The following RBFOX1 variants were observed in gnomAD, a reference collection of about 807,000 sequenced individuals.
RBFOX1 encodes the protein RNA binding protein fox-1 homolog 1.
Under a neutral mutation model 57.7 loss-of-function variants are expected in RBFOX1, and 8 were observed. The observed-to-expected ratio is 0.14, with a 90% CI of 0.08 to 0.25. RBFOX1 has a LOEUF of 0.25. Among genes scored for constraint, RBFOX1 ranks in the 10% least tolerant of loss-of-function variants. The probability of loss-of-function intolerance (pLI) is 1.00; values close to 1 mark genes in which losing one functional copy is unlikely to be tolerated. For missense variants in RBFOX1, 611 were observed against 548.5 expected (o/e 1.11, Z -1.14); for synonymous variants, 326 against 222.4 (o/e 1.47, Z -4.15).
At chr16:6,513,456 G>A (rs568733640) in intron 2 of RBFOX1, among the ~76,000 whole-genome samples, 254 of 152,254 alleles carry the variant, frequency 1.7e-3, no homozygotes, top group Admixed American at 3.2e-3. Flanking sequence ...CCATGAGGCC[G>A]GGCGCGGTGG....
rs2151671712 is a variant in RBFOX1, at chr16:5,769,679, A to G, written c.319-97624A>G. ...AAAAAGGAGGAGAAATTTGGACACA[A>G]ACAAATACAGGAGGAAGATCACGTG... is the stretch of plus-strand genomic sequence containing the variant. On this transcript the variant is annotated intron_variant, in intron 3 of 19. Coordinates refer to the RBFOX1 transcript ENST00000641259. 2.0e-5 allele frequency among the ~76,000 whole-genome samples: 3 copies of G among 152,166 alleles called. 1 individual carries two copies. In the South Asian group the frequency reaches 6.2e-4, roughly 32 times the overall value.
chr16:6,069,385 C>G (rs1406467650), intron 1 of RBFOX1, among the ~76,000 whole-genome samples: 1 of 112,802 alleles, frequency 8.9e-6, no homozygotes, highest in Non-Finnish European at 1.7e-5. Flanking sequence ...GCAACAAGAG[C>G]GAAACTCTGC....
chr16:6,365,466 G>A (rs1283304209), intron 2 of RBFOX1, among the ~76,000 whole-genome samples: 3 of 152,104 alleles, frequency 2.0e-5, no homozygotes, highest in African/African-American at 7.2e-5. Context: ...GTGAATGGAT[G>A]GGTGGGTGGA....
chr16:6,457,532 C>CTATAACTTT (rs1013551626), intron 2 of RBFOX1, among the ~76,000 whole-genome samples: 1 of 150,648 alleles, frequency 6.6e-6, no homozygotes, highest in Non-Finnish European at 1.5e-5. Flanking sequence ...GGCATCTTAA[C>CTATAACTTT]TATAACTTTA....
chr16:6,608,991 C>G (rs1479428503), intron 2 of RBFOX1, among the ~76,000 whole-genome samples: 1 of 152,176 alleles, frequency 6.6e-6, no homozygotes, highest in Non-Finnish European at 1.5e-5. Context: ...CCAGGCAAGC[C>G]TTTCTTCCAT....
chr16:5,717,048 A>G (rs746106155), intron 3 of RBFOX1, among the ~76,000 whole-genome samples: 3 of 151,810 alleles, frequency 2.0e-5, no homozygotes, highest in Admixed American at 6.6e-5. Flanking sequence ...TTTCCCCTGT[A>G]TTTTCCTGCT....
chr16:6,834,268 G>C (rs891819620), intron 3 of RBFOX1, among the ~76,000 whole-genome samples: 1 of 151,912 alleles, frequency 6.6e-6, no homozygotes, highest in Admixed American at 6.6e-5. Context: ...AGAGATGGGG[G>C]TTTCACCACG....
intron 1 of RBFOX1, among the ~76,000 whole-genome samples, chr16:6,191,136 T>G (rs941917026): frequency 1.8e-4 from 27 of 151,992 alleles, no homozygotes; most frequent in Middle Eastern, 3.4e-3. Context: ...GTGGTTTTTT[T>G]TTTTTTTTTT....
intron 2 of RBFOX1, among the ~76,000 whole-genome samples, chr16:5,488,980 C>T (rs1046158859): frequency 9.2e-5 from 14 of 152,192 alleles, no homozygotes; most frequent in Admixed American, 4.6e-4. Flanking sequence ...TTAGTCTTTG[C>T]AAGTGTTCTG....
intron 2 of RBFOX1, among the ~76,000 whole-genome samples, chr16:6,319,061 C>T (rs1008039356): frequency 6.6e-6 from 1 of 151,880 alleles, no homozygotes; most frequent in African/African-American, 2.4e-5. Context: ...TGGCCACATG[C>T]CTGGGTTTTG....
chr16:5,985,774 C>T (rs1000985226), intron 4 of RBFOX1, among the ~76,000 whole-genome samples: 7 of 152,184 alleles, frequency 4.6e-5, no homozygotes, highest in African/African-American at 1.7e-4. Flanking sequence ...CCTCAGTGAC[C>T]TGCAGCAGTG....
At chr16:7,483,069 C>A (rs1286287358) in intron 4 of RBFOX1, among the ~76,000 whole-genome samples, 1 of 152,182 alleles carries the variant, frequency 6.6e-6, no homozygotes, top group African/African-American at 2.4e-5. Context: ...CCACCCTCGT[C>A]ACTAAAAGGT....
intron 1 of RBFOX1, among the ~76,000 whole-genome samples, chr16:6,139,094 T>C (rs925843187): frequency 2.0e-5 from 3 of 152,174 alleles, no homozygotes; most frequent in African/African-American, 7.2e-5. Context: ...TTGTTATTGA[T>C]AGCAGTTCTA....
intron 3 of RBFOX1, among the ~76,000 whole-genome samples, chr16:5,846,310 G>T (rs2056757079): frequency 6.6e-6 from 1 of 152,152 alleles, no homozygotes. Context: ...GAGGAGAAGA[G>T]GGCACCCCCC....
At chr16:5,644,561 G>A (rs17508399) in intron 3 of RBFOX1, among the ~76,000 whole-genome samples, 16,938 of 152,252 alleles carry the variant, frequency 0.11, 1,262 homozygotes, top group Non-Finnish European at 0.17. Flanking sequence ...TACATTGCAG[G>A]AACTCAGCCG....
At chr16:6,357,681 G>A (rs1166170280) in intron 2 of RBFOX1, among the ~76,000 whole-genome samples, 1 of 152,046 alleles carries the variant, frequency 6.6e-6, no homozygotes, top group East Asian at 1.9e-4. Flanking sequence ...AGATGCAGTG[G>A]CTCATGCCTG....
At chr16:6,104,807 A>G (rs1205728720) in intron 1 of RBFOX1, among the ~76,000 whole-genome samples, 3 of 152,246 alleles carry the variant, frequency 2.0e-5, no homozygotes, top group African/African-American at 7.2e-5. Context: ...CATTATGCAC[A>G]TATTATGCAA....
intron 2 of RBFOX1, among the ~76,000 whole-genome samples, chr16:5,557,845 C>T (rs548429838): frequency 5.6e-4 from 86 of 152,328 alleles, no homozygotes; most frequent in Non-Finnish European, 1.2e-4. Context: ...CCATGCCCCT[C>T]GTCCTGGCCC....
At chr16:5,262,618 C>G (rs2062762787) in intron 1 of RBFOX1, among the ~76,000 whole-genome samples, 1 of 152,190 alleles carries the variant, frequency 6.6e-6, no homozygotes. Flanking sequence ...ATCTGTCTCT[C>G]TCTAGGTGTA....
Sources: gnomAD v4.1 joint callset for allele counts (sites outside exome capture counted in the v4.1 genomes callset) on GRCh38, gnomAD v4.1.1 for gene constraint, MANE v1.5 for transcripts, NCBI Gene and HGNC (gene_info 2026-07-23, HGNC 2026-07-21) for gene names.